TSHZ2: variants seen among roughly 807,000 people sequenced by gnomAD.
TSHZ2 encodes the protein teashirt zinc finger homeobox 2, also known as teashirt homolog 2.
In TSHZ2, 21 loss-of-function variants were observed where a neutral mutation model predicts 74.4. That is an observed-to-expected ratio of 0.28 (90% CI 0.20 to 0.41). TSHZ2 has a LOEUF of 0.41. Among genes scored for constraint, TSHZ2 ranks in the 10% least tolerant of loss-of-function variants. The probability of loss-of-function intolerance (pLI) is 1.00; values close to 1 mark genes in which losing one functional copy is unlikely to be tolerated. For missense variants in TSHZ2, 1,244 were observed against 1,293.5 expected (o/e 0.96, Z 0.59); for synonymous variants, 540 against 515.3 (o/e 1.05, Z -0.65).
intron 2 of TSHZ2, among the ~76,000 whole-genome samples, chr20:53,368,163 G>GT (rs906585684): frequency 4.6e-5 from 7 of 151,836 alleles, no homozygotes; most frequent in African/African-American, 7.3e-5. Flanking sequence ...GGGGGCTTGT[G>GT]TTTTTTTACT....
At chr20:53,042,542 C>T (rs1984078600) in intron 1 of TSHZ2, among the ~76,000 whole-genome samples, 1 of 152,024 alleles carries the variant, frequency 6.6e-6, no homozygotes, top group Non-Finnish European at 1.5e-5. Flanking sequence ...TGAGTTTAAA[C>T]AATTTGCCTA....
chr20:53,301,716 T>G (rs1991478857), intron 2 of TSHZ2, among the ~76,000 whole-genome samples: 2 of 152,230 alleles, frequency 1.3e-5, no homozygotes, highest in Admixed American at 1.3e-4. Flanking sequence ...ACTTGGTTGC[T>G]TGGCAACTTT....
intron 2 of TSHZ2, among the ~76,000 whole-genome samples, chr20:53,333,150 C>G (rs1290172652): frequency 6.6e-6 from 1 of 152,190 alleles, no homozygotes; most frequent in Non-Finnish European, 1.5e-5. Flanking sequence ...AGAAAAGAGA[C>G]ACCTATGTTG....
intron 1 of TSHZ2, among the ~76,000 whole-genome samples, chr20:53,216,826 G>A (rs1172321358): frequency 6.6e-6 from 1 of 152,122 alleles, no homozygotes; most frequent in Non-Finnish European, 1.5e-5. Flanking sequence ...ATCTTGCTGG[G>A]ACTGAGTTGT....
intron 2 of TSHZ2, among the ~76,000 whole-genome samples, chr20:53,418,643 C>A (rs544654226): frequency 1.3e-5 from 2 of 152,258 alleles, no homozygotes; most frequent in African/African-American, 2.4e-5. Flanking sequence ...TACCACCCCC[C>A]AGGTCCTTCC....
chr20:53,289,342 T>G (rs1991237603), intron 2 of TSHZ2, among the ~76,000 whole-genome samples: 1 of 152,232 alleles, frequency 6.6e-6, no homozygotes, highest in Admixed American at 6.5e-5. Context: ...ATAGTGGGAT[T>G]GCCTCATTAA....
chr20:53,133,969 G>GAAAAAAAAAAAAA lies in TSHZ2; in HGVS notation c.41-119527_41-119515dup, dbSNP rs3070080. On this transcript the variant is annotated intron_variant, in intron 1 of 2. Coordinates refer to ENST00000371497, the MANE Select transcript of TSHZ2 (RefSeq NM_173485.6). ...TGATAGATTTTTTACCATTTTTTCT[G>GAAAAAAAAAAAAA]AAAAAAAAAAAAAAATAGGCCACGT... Among the ~76,000 whole-genome samples, 573 of 127,792 alleles carry GAAAAAAAAAAAAA rather than the reference G, an allele frequency of 4.5e-3. 16 individuals are homozygous for GAAAAAAAAAAAAA. Among genetic ancestry groups the GAAAAAAAAAAAAA allele is most frequent in the African/African-American group, 0.015 (485 of 33,426 alleles). 83.8% of individuals were successfully genotyped at this position (127,792 alleles called of 152,430 possible).
intron 1 of TSHZ2, among the ~76,000 whole-genome samples, chr20:53,181,805 G>A (rs754639854): frequency 3.3e-5 from 5 of 152,148 alleles, no homozygotes; most frequent in Non-Finnish European, 7.4e-5. Flanking sequence ...GGAGAATGGC[G>A]TGAACCCGGG....
At chr20:53,181,814 G>A (rs986529333) in intron 1 of TSHZ2, among the ~76,000 whole-genome samples, 7 of 152,176 alleles carry the variant, frequency 4.6e-5, no homozygotes, top group Non-Finnish European at 8.8e-5. Flanking sequence ...CGTGAACCCG[G>A]GAAGCGGAGC....
chr20:52,995,174 C>T (rs1056111513), intron 1 of TSHZ2, among the ~76,000 whole-genome samples: 1 of 152,204 alleles, frequency 6.6e-6, no homozygotes, highest in African/African-American at 2.4e-5. Flanking sequence ...CAGCAGAGCT[C>T]CAGCTTCACA....
At chr20:53,221,103 T>A (rs2426464) in intron 1 of TSHZ2, among the ~76,000 whole-genome samples, 50,128 of 152,118 alleles carry the variant, frequency 0.33, 10,450 homozygotes, top group Non-Finnish European at 0.48. Flanking sequence ...ATAAGTCTCA[T>A]GAGATCTGAC....
intron 1 of TSHZ2, among the ~76,000 whole-genome samples, chr20:53,229,306 G>T (rs1375166580): frequency 6.6e-6 from 1 of 151,914 alleles, no homozygotes; most frequent in Non-Finnish European, 1.5e-5. Context: ...CGTCACCTTT[G>T]CCCTGGGTCA....
At chr20:53,145,296 A>G (rs574516008) in intron 1 of TSHZ2, among the ~76,000 whole-genome samples, 1 of 152,276 alleles carries the variant, frequency 6.6e-6, no homozygotes, top group African/African-American at 2.4e-5. Context: ...CCTGATAGAA[A>G]TCCCATGCAT....
At chr20:53,297,813 C>T (rs1991407394) in intron 2 of TSHZ2, among the ~76,000 whole-genome samples, 1 of 152,204 alleles carries the variant, frequency 6.6e-6, no homozygotes, top group African/African-American at 2.4e-5. Flanking sequence ...AGGCCCATGC[C>T]TGACACACTG....
At chr20:52,991,234 T>C (rs1360228894) in intron 1 of TSHZ2, among the ~76,000 whole-genome samples, 1 of 150,180 alleles carries the variant, frequency 6.7e-6, no homozygotes, top group Non-Finnish European at 1.5e-5. Flanking sequence ...GTTGTGGGTA[T>C]TAGTGTGTGT....
intron 2 of TSHZ2, among the ~76,000 whole-genome samples, chr20:53,357,518 T>A (rs1325798735): frequency 4.0e-5 from 6 of 151,620 alleles, no homozygotes; most frequent in East Asian, 3.9e-4. Flanking sequence ...AAAAAAAAAA[T>A]AAAATTAAAT....
chr20:53,467,493 A>C (rs1985596968), intron 2 of TSHZ2, among the ~76,000 whole-genome samples: 1 of 152,254 alleles, frequency 6.6e-6, no homozygotes, highest in African/African-American at 2.4e-5. Flanking sequence ...AATAATAGAA[A>C]TCATTAAAGA....
At chr20:53,183,598 C>T (rs925778690) in intron 1 of TSHZ2, among the ~76,000 whole-genome samples, 6 of 152,228 alleles carry the variant, frequency 3.9e-5, no homozygotes, top group Middle Eastern at 6.8e-3. Flanking sequence ...CACACACACA[C>T]ATATACTCAG....
chr20:53,132,555 C>G (rs1007011808), intron 1 of TSHZ2, among the ~76,000 whole-genome samples: 33 of 152,152 alleles, frequency 2.2e-4, no homozygotes, highest in Non-Finnish European at 4.1e-4. Flanking sequence ...GCTGTGATTA[C>G]AGGCATAAGC....
Sources: allele counts gnomAD v4.1 joint callset (sites outside exome capture counted in the v4.1 genomes callset), GRCh38; gene constraint gnomAD v4.1.1; transcripts MANE v1.5; gene names NCBI Gene and HGNC (gene_info 2026-07-23, HGNC 2026-07-21).